RCBTB2: variants seen among roughly 807,000 people sequenced by gnomAD.
RCBTB2 encodes RCC1 and BTB domain containing protein 2.
RCBTB2 carries 55 observed loss-of-function variants against 65.4 expected under a neutral mutation model. That is an observed-to-expected ratio of 0.84 (90% CI 0.68 to 1.05). The LOEUF is 1.05. Among genes scored for constraint, RCBTB2 ranks in the 50% least tolerant of loss-of-function variants. The pLI, the probability that RCBTB2 is intolerant of heterozygous loss-of-function variation, is 0.00. For synonymous variants in RCBTB2, 220 were observed against 255.2 expected (o/e 0.86, Z 1.31); for missense variants, 599 against 680.1 (o/e 0.88, Z 1.33).
At chr13:48,499,805 G>A in intron 12 of RCBTB2, 45 bp from the exon 13 acceptor site, 1 of 1,610,624 alleles carries the variant, frequency 6.2e-7, no homozygotes, top group Non-Finnish European at 8.5e-7. Flanking sequence ...TCCCAGCCAG[G>A]ACAGATGGCC....
chr13:48,524,499 G>A (rs1951600691), intron 2 of RCBTB2, among the ~76,000 whole-genome samples, 160 bp downstream of exon 2: 1 of 152,152 alleles, frequency 6.6e-6, no homozygotes, highest in Admixed American at 6.5e-5. Context: ...ACCAATCAGT[G>A]TCAGAGCCAG....
At chr13:48,518,112 C>T (rs993232474) in intron 4 of RCBTB2, among the ~76,000 whole-genome samples, 1 of 152,138 alleles carries the variant, frequency 6.6e-6, no homozygotes, top group Non-Finnish European at 1.5e-5. Context: ...CCTGATGATG[C>T]CTTGATTTCA....
intron 6 of RCBTB2, among the ~76,000 whole-genome samples, 153 bp from the exon 7 acceptor site, chr13:48,513,048 A>G (rs1268653574): frequency 6.6e-6 from 1 of 152,256 alleles, no homozygotes; most frequent in Non-Finnish European, 1.5e-5. Flanking sequence ...CTACAAAAGA[A>G]TCTATTTGGA....
intron 5 of RCBTB2, 83 bp from the exon 6 acceptor site, chr13:48,515,438 T>C: frequency 7.0e-7 from 1 of 1,437,500 alleles, no homozygotes. Flanking sequence ...TCATCTTCCT[T>C]AAGCAAACTG....
At position 48,490,045 on chromosome 13, in the gene RCBTB2, G is replaced by GA; in HGVS notation, c.*65dup. On this transcript the variant is annotated 3_prime_UTR_variant, in exon 15 of 15. Coordinates refer to ENST00000344532, the MANE Select transcript of RCBTB2 (RefSeq NM_001268.4). The stretch of plus-strand genomic sequence containing the variant: ...CATCATACATACTATTAATTAAAGA[G>GA]AAGTGATTCATCTCTGGCTTTTGCA... 6.5e-7 allele frequency: 1 copy of GA among 1,532,564 alleles called. No homozygotes were observed. 94.9% of individuals were successfully genotyped at this position (1,532,564 alleles called of 1,614,324 possible).
intron 10 of RCBTB2, among the ~76,000 whole-genome samples, chr13:48,505,105 G>A (rs192418075): frequency 6.8e-6 from 1 of 147,026 alleles, no homozygotes; most frequent in East Asian, 2.0e-4. Flanking sequence ...AACTGGGTTT[G>A]AATCCTCGCT....
At chr13:48,525,373 G>GATATATATAT (rs59350616) in intron 1 of RCBTB2, among the ~76,000 whole-genome samples, 5 of 54,520 alleles carry the variant, frequency 9.2e-5, no homozygotes, top group East Asian at 7.9e-4. Context: ...AAGGATTCAT[G>GATATATATAT]ATATATATAT....
chr13:48,518,802 C>T (rs538950166), intron 4 of RCBTB2, among the ~76,000 whole-genome samples: 18 of 152,028 alleles, frequency 1.2e-4, no homozygotes, highest in Admixed American at 8.5e-4. Flanking sequence ...AATTTTGTTA[C>T]GTTAGCTTTT....
chr13:48,515,911 G>A (rs1388009800), intron 4 of RCBTB2, among the ~76,000 whole-genome samples, 170 bp from the exon 5 acceptor site: 1 of 152,228 alleles, frequency 6.6e-6, no homozygotes, highest in African/African-American at 2.4e-5. Flanking sequence ...GCTTTTGGGC[G>A]GCTCACAGCC....
At chr13:48,527,322 T>TATATATATATGATATATATATATG (rs1555310599) in intron 1 of RCBTB2, among the ~76,000 whole-genome samples, 18 of 123,460 alleles carry the variant, frequency 1.5e-4, no homozygotes, top group African/African-American at 8.4e-4. Flanking sequence ...ACTTGGCTCA[T>TATATATATATGATATATATATATG]ATATATATAT....
chr13:48,505,302 T>C (rs1227712037), intron 10 of RCBTB2, among the ~76,000 whole-genome samples: 2 of 152,232 alleles, frequency 1.3e-5, no homozygotes, highest in Non-Finnish European at 2.9e-5. Context: ...CTTTACATTA[T>C]GATGACTACT....
intron 4 of RCBTB2, among the ~76,000 whole-genome samples, chr13:48,517,164 T>A (rs889237802): frequency 1.3e-5 from 2 of 152,200 alleles, no homozygotes; most frequent in Non-Finnish European, 2.9e-5. Flanking sequence ...TCCCCTGTCC[T>A]CATTACCATG....
intron 1 of RCBTB2, 115 bp downstream of exon 1, chr13:48,532,913 G>A (rs1471456159): frequency 2.7e-5 from 12 of 446,970 alleles, no homozygotes; most frequent in Admixed American, 2.2e-4. Context: ...TCTCTGGCGG[G>A]GAGGTCGGGC....
At chr13:48,518,599 G>C (rs1374707338) in intron 4 of RCBTB2, among the ~76,000 whole-genome samples, 1 of 150,724 alleles carries the variant, frequency 6.6e-6, no homozygotes, top group Non-Finnish European at 1.5e-5. Flanking sequence ...AGAAGTTCCA[G>C]TTATATGCAA....
intron 1 of RCBTB2, among the ~76,000 whole-genome samples, chr13:48,529,684 G>T (rs985671383): frequency 6.6e-6 from 1 of 152,172 alleles, no homozygotes; most frequent in African/African-American, 2.4e-5. Context: ...TCCAGACAAT[G>T]AAAGCTGGAA....
intron 13 of RCBTB2, among the ~76,000 whole-genome samples, chr13:48,498,505 C>T (rs903461568): frequency 3.9e-5 from 6 of 152,154 alleles, no homozygotes; most frequent in East Asian, 3.9e-4. Context: ...CCAAGATGGG[C>T]GGATCACCTG....
intron 13 of RCBTB2, among the ~76,000 whole-genome samples, chr13:48,499,142 A>ACACACACACACACACACACACT (rs1366425462): frequency 2.0e-4 from 27 of 132,378 alleles, no homozygotes; most frequent in African/African-American, 6.7e-4. Flanking sequence ...ACACACACAC[A>ACACACACACACACACACACACT]CTCTCTCTCT....
In RCBTB2 at chr13:48,529,556, C is replaced by T. The variant is rs896406684; in HGVS notation, c.-219+3472G>A. Among the ~76,000 whole-genome samples, 7 of 152,258 alleles carry T rather than the reference C, an allele frequency of 4.6e-5. No individual in the cohort carries two copies. In the South Asian group the frequency reaches 6.2e-4, roughly 14 times the overall value. ...TCAGGCCAATTAGCAAGGCTGAAGA[C>T]GTAAAAGAAACCCACTCTAATGTCA... On this transcript the variant is annotated intron_variant, in intron 1 of 14. Transcript: ENST00000344532.
chr13:48,512,634 T>A, intron 7 of RCBTB2, 95 bp downstream of exon 7: 1 of 1,052,546 alleles, frequency 9.5e-7, no homozygotes. Context: ...GGGAGGTGGT[T>A]ATTTTAATCA....
Sources: allele counts gnomAD v4.1 joint callset (sites outside exome capture counted in the v4.1 genomes callset), GRCh38; gene constraint gnomAD v4.1.1; transcripts MANE v1.5; gene names NCBI Gene and HGNC (gene_info 2026-07-23, HGNC 2026-07-21).